DIAPH3: variants seen among roughly 807,000 people sequenced by gnomAD.
DIAPH3 encodes protein diaphanous homolog 3.
Under a neutral mutation model 144.3 loss-of-function variants are expected in DIAPH3, and 117 were observed. The observed-to-expected ratio is 0.81, with a 90% CI of 0.70 to 0.95. The LOEUF (loss-of-function observed/expected upper bound fraction) is 0.95, where lower values mean the gene tolerates loss of function less well. Ranked by LOEUF, DIAPH3 falls within the 40% of genes least tolerant of loss-of-function variation. The probability of loss-of-function intolerance (pLI) is 0.00; values close to 1 mark genes in which losing one functional copy is unlikely to be tolerated. For synonymous variants in DIAPH3, 519 were observed against 488.9 expected (o/e 1.06, Z -0.81); for missense variants, 1,421 against 1,412.7 (o/e 1.01, Z -0.09).
chr13:59,829,566 A>G (rs536390313), intron 24 of DIAPH3, among the ~76,000 whole-genome samples: 1 of 152,054 alleles, frequency 6.6e-6, no homozygotes, highest in Non-Finnish European at 1.5e-5. Flanking sequence ...ATGGGTAAAT[A>G]TAGCTCCAGA....
chr13:60,027,396 A>G (rs1280044479), intron 5 of DIAPH3, among the ~76,000 whole-genome samples: 2 of 152,250 alleles, frequency 1.3e-5, no homozygotes, highest in Non-Finnish European at 2.9e-5. Flanking sequence ...CTGTATATTT[A>G]AAAACAATCA....
At chr13:60,032,488 A>C (rs957926417) in intron 5 of DIAPH3, among the ~76,000 whole-genome samples, 1 of 152,226 alleles carries the variant, frequency 6.6e-6, no homozygotes, top group African/African-American at 2.4e-5. Context: ...CACAGGCTTA[A>C]CACCACATGG....
At chr13:60,025,032 T>G (rs149267171) in intron 5 of DIAPH3, among the ~76,000 whole-genome samples, 143 of 152,266 alleles carry the variant, frequency 9.4e-4, no homozygotes, top group Middle Eastern at 3.4e-3. Context: ...AATGCCTCAT[T>G]AATGCCATCT....
intron 1 of DIAPH3, among the ~76,000 whole-genome samples, chr13:60,133,543 A>G (rs993482104): frequency 6.6e-6 from 1 of 152,154 alleles, no homozygotes; most frequent in African/African-American, 2.4e-5. Context: ...GACTATTTGC[A>G]TCTTTAACAT....
intron 1 of DIAPH3, chr13:60,144,590 C>T (rs1951418707): frequency 6.6e-6 from 1 of 152,174 alleles, no homozygotes; most frequent in African/African-American, 2.4e-5. Flanking sequence ...CTCCATTTTC[C>T]CAGAATTCTA....
intron 5 of DIAPH3, among the ~76,000 whole-genome samples, chr13:60,029,301 T>C (rs998678167): frequency 2.6e-5 from 4 of 152,140 alleles, no homozygotes; most frequent in Non-Finnish European, 5.9e-5. Flanking sequence ...ACAATCCTTA[T>C]ACAAGCCACC....
chr13:59,889,409 TTTTAA>T (rs1444552593), intron 20 of DIAPH3, among the ~76,000 whole-genome samples: 7 of 152,058 alleles, frequency 4.6e-5, no homozygotes, highest in African/African-American at 1.7e-4. Context: ...ATACTAAAAT[TTTTAA>T]TTTAGTTATT....
intron 25 of DIAPH3, among the ~76,000 whole-genome samples, chr13:59,803,869 G>T (rs1167627596): frequency 6.6e-6 from 1 of 152,150 alleles, no homozygotes; most frequent in Non-Finnish European, 1.5e-5. Context: ...GACATTGCTT[G>T]CTACTATTTA....
chr13:60,099,740 T>C (rs897328153), intron 3 of DIAPH3, among the ~76,000 whole-genome samples: 1 of 152,286 alleles, frequency 6.6e-6, no homozygotes. Flanking sequence ...AATTAAAATC[T>C]ATATCTAAAC....
intron 17 of DIAPH3, among the ~76,000 whole-genome samples, chr13:59,960,254 T>C (rs1346921842): frequency 7.9e-5 from 12 of 152,192 alleles, no homozygotes; most frequent in Admixed American, 7.9e-4. Context: ...ACTAAAGACA[T>C]TTCTTTATGT....
chr13:59,970,665 G>A (rs1415430741), intron 16 of DIAPH3, among the ~76,000 whole-genome samples, 187 bp downstream of exon 16: 1 of 151,602 alleles, frequency 6.6e-6, no homozygotes, highest in Non-Finnish European at 1.5e-5. Context: ...ATATGAAAGG[G>A]ATTTGTCCCA....
At chr13:59,893,077 T>C (rs1043408510) in intron 20 of DIAPH3, among the ~76,000 whole-genome samples, 1 of 152,100 alleles carries the variant, frequency 6.6e-6, no homozygotes, top group South Asian at 2.1e-4. Context: ...AATAGTATAT[T>C]CAAAACATGA....
At chr13:60,049,101 T>A (rs556286303) in intron 4 of DIAPH3, among the ~76,000 whole-genome samples, 1 of 152,196 alleles carries the variant, frequency 6.6e-6, no homozygotes, top group Non-Finnish European at 1.5e-5. Context: ...AATTCACTAC[T>A]GATAAATGCA....
intron 27 of DIAPH3, among the ~76,000 whole-genome samples, chr13:59,731,280 T>C (rs1291218694): frequency 2.0e-5 from 3 of 152,214 alleles, no homozygotes; most frequent in African/African-American, 4.8e-5. Context: ...AGGTGCTCCC[T>C]GGAGCAACAC....
intron 27 of DIAPH3, among the ~76,000 whole-genome samples, chr13:59,708,094 G>A (rs539589419): frequency 1.3e-5 from 2 of 150,764 alleles, no homozygotes; most frequent in African/African-American, 4.9e-5. Flanking sequence ...ACAGCATCTG[G>A]CTCTGTCACC....
intron 20 of DIAPH3, among the ~76,000 whole-genome samples, chr13:59,893,418 G>A (rs2045921631): frequency 6.6e-6 from 1 of 152,142 alleles, no homozygotes. Flanking sequence ...GAACTTGCAA[G>A]TGGTTAATTA....
intron 22 of DIAPH3, among the ~76,000 whole-genome samples, chr13:59,842,521 A>G (rs1384566638): frequency 6.6e-6 from 1 of 152,124 alleles, no homozygotes; most frequent in Non-Finnish European, 1.5e-5. Context: ...TGCAGACTCC[A>G]TAAGTTAAGG....
At chr13:59,863,260 G>A (rs1387800299) in intron 21 of DIAPH3, among the ~76,000 whole-genome samples, 1 of 151,308 alleles carries the variant, frequency 6.6e-6, no homozygotes, top group Non-Finnish European at 1.5e-5. Context: ...TAATCATTTA[G>A]AGCAGAGATA....
intron 27 of DIAPH3, among the ~76,000 whole-genome samples, chr13:59,741,851 G>T (rs1001756816): frequency 6.6e-5 from 10 of 152,042 alleles, no homozygotes; most frequent in African/African-American, 2.4e-4. Flanking sequence ...CCTACCTATT[G>T]CATGGTTCAT....
Sources: allele counts gnomAD v4.1 joint callset (sites outside exome capture counted in the v4.1 genomes callset), GRCh38; gene constraint gnomAD v4.1.1; transcripts MANE v1.5; gene names NCBI Gene and HGNC (gene_info 2026-07-23, HGNC 2026-07-21).